Variants in EFNA5 observed in about 807,000 individuals in gnomAD.
EFNA5 encodes the protein ephrin-A5.
EFNA5 carries 5 observed loss-of-function variants against 22.9 expected under a neutral mutation model. That is an observed-to-expected ratio of 0.22 (90% CI 0.11 to 0.46). The LOEUF is 0.46. EFNA5 is among the 20% of genes least tolerant of loss of function. The pLI, the probability that EFNA5 is intolerant of heterozygous loss-of-function variation, is 0.99. For missense variants in EFNA5, 237 were observed against 293.3 expected (o/e 0.81, Z 1.40); for synonymous variants, 113 against 112.2 (o/e 1.01, Z -0.04).
chr5:107,441,457 G>C (rs1749255687), intron 1 of EFNA5, among the ~76,000 whole-genome samples: 1 of 152,192 alleles, frequency 6.6e-6, no homozygotes, highest in African/African-American at 2.4e-5. Context: ...TGTGTAGGCA[G>C]TGAAGCTGTG....
chr5:107,381,475 GTA>G, intron 4 of EFNA5, 99 bp from the exon 5 acceptor site: 1 of 1,343,896 alleles, frequency 7.4e-7, no homozygotes, highest in Non-Finnish European at 1.0e-6. Context: ...CCTCTGCAAA[GTA>G]GGGTAATGAA....
Position 107,670,867 on chromosome 5 carries a change from G to C in EFNA5, c.-254C>G. 2.1e-6 allele frequency: 1 copy of C among 480,512 alleles called. No homozygotes were observed. The highest frequency in any genetic ancestry group is 3.7e-6 in the Non-Finnish European group (1 of 272,040). 29.8% of individuals were successfully genotyped at this position (480,512 alleles called of 1,614,324 possible). Reference sequence around the variant, plus strand: ...GCACCCCCACTGGAGGGTTCAGGAGGAAAAAGGAATCACAAGATGGAGAGA... The same window carrying C: ...GCACCCCCACTGGAGGGTTCAGGAGCAAAAAGGAATCACAAGATGGAGAGA... On this transcript the variant is annotated 5_prime_UTR_variant, in exon 1 of 5. Coordinates refer to ENST00000333274, the MANE Select transcript of EFNA5 (RefSeq NM_001962.3).
chr5:107,622,871 A>C (rs1750062879), intron 1 of EFNA5, among the ~76,000 whole-genome samples: 1 of 150,338 alleles, frequency 6.7e-6, no homozygotes, highest in Non-Finnish European at 1.5e-5. Flanking sequence ...AATACAAAAA[A>C]TTAGCCGGGC....
At chr5:107,515,416 G>A (rs1186662894) in intron 1 of EFNA5, among the ~76,000 whole-genome samples, 1 of 148,608 alleles carries the variant, frequency 6.7e-6, no homozygotes, top group Non-Finnish European at 1.5e-5. Context: ...GTCTTGCTGT[G>A]TTGCCAGGCT....
At chr5:107,610,375 C>T (rs1749802942) in intron 1 of EFNA5, among the ~76,000 whole-genome samples, 2 of 152,218 alleles carry the variant, frequency 1.3e-5, no homozygotes, top group African/African-American at 4.8e-5. Flanking sequence ...TGAAGAAGTT[C>T]CACAGCCTGG....
chr5:107,670,414 C>A (rs1751167435), intron 1 of EFNA5, 75 bp downstream of exon 1: 5 of 1,473,800 alleles, frequency 3.4e-6, no homozygotes, highest in Non-Finnish European at 4.5e-6. Flanking sequence ...TGGTGCGCGC[C>A]GATCCCCGCC....
At chr5:107,426,898 AT>A (rs199549658) in intron 2 of EFNA5, 20 of 268,334 alleles carry the variant, frequency 7.5e-5, no homozygotes, top group Non-Finnish European at 9.2e-5. Flanking sequence ...ATTTCCTTTA[AT>A]TTTTTTTTCA....
intron 1 of EFNA5, among the ~76,000 whole-genome samples, chr5:107,647,169 G>A (rs550968293): frequency 1.3e-5 from 2 of 152,114 alleles, no homozygotes; most frequent in Non-Finnish European, 2.9e-5. Context: ...TAAGTAAAAT[G>A]ATTTATTTTG....
chr5:107,387,445 C>T (rs1580416495), intron 3 of EFNA5, 130 bp from the exon 4 acceptor site: 2 of 638,980 alleles, frequency 3.1e-6, no homozygotes, highest in East Asian at 5.6e-5. Context: ...ATGGCATGTT[C>T]CAAATGCCAA....
At chr5:107,439,550 G>A (rs1749202276) in intron 1 of EFNA5, among the ~76,000 whole-genome samples, 1 of 152,156 alleles carries the variant, frequency 6.6e-6, no homozygotes, top group Non-Finnish European at 1.5e-5. Flanking sequence ...GAGCAAGGGG[G>A]AAGGAAGATG....
At chr5:107,397,430 T>A (rs1300291689) in intron 2 of EFNA5, among the ~76,000 whole-genome samples, 1 of 151,916 alleles carries the variant, frequency 6.6e-6, no homozygotes, top group African/African-American at 2.4e-5. Context: ...GCGCCTGTAA[T>A]CCCAGCTACT....
chr5:107,653,240 A>G (rs960529390), intron 1 of EFNA5, among the ~76,000 whole-genome samples: 2 of 152,048 alleles, frequency 1.3e-5, no homozygotes, highest in Non-Finnish European at 2.9e-5. Context: ...CACCAAGACA[A>G]GCAGCTTTGT....
chr5:107,491,779 T>C (rs922593196), intron 1 of EFNA5, among the ~76,000 whole-genome samples: 2 of 152,214 alleles, frequency 1.3e-5, no homozygotes, highest in African/African-American at 2.4e-5. Context: ...TACCCTTTTA[T>C]AGCTTTTAAG....
At chr5:107,634,353 C>T (rs574150039) in intron 1 of EFNA5, among the ~76,000 whole-genome samples, 16 of 152,188 alleles carry the variant, frequency 1.1e-4, no homozygotes, top group Admixed American at 2.0e-4. Flanking sequence ...CTTGTCTCTA[C>T]AAAAGATTAG....
intron 1 of EFNA5, among the ~76,000 whole-genome samples, chr5:107,447,951 G>T (rs879735960): frequency 2.0e-5 from 3 of 151,924 alleles, no homozygotes; most frequent in Non-Finnish European, 2.9e-5. Flanking sequence ...GGGTTCAAGC[G>T]ATTCTCTGCC....
At chr5:107,493,165 T>C (rs1217581261) in intron 1 of EFNA5, among the ~76,000 whole-genome samples, 1 of 152,094 alleles carries the variant, frequency 6.6e-6, no homozygotes, top group East Asian at 1.9e-4. Context: ...TAATTACTTT[T>C]ATTTGTTCAC....
chr5:107,660,263 TATATATATATA>T (rs1750918965), intron 1 of EFNA5, among the ~76,000 whole-genome samples: 1 of 6,474 alleles, frequency 1.5e-4, no homozygotes, highest in Non-Finnish European at 2.5e-4. Context: ...GGCAAAAACA[TATATATATATA>T]TATATATATA....
At chr5:107,591,403 C>T (rs2112502810) in intron 1 of EFNA5, among the ~76,000 whole-genome samples, 1 of 152,272 alleles carries the variant, frequency 6.6e-6, no homozygotes, top group African/African-American at 2.4e-5. Flanking sequence ...CCACAGTCCC[C>T]ACCTCTCCCT....
chr5:107,592,076 A>AC (rs1749380652), intron 1 of EFNA5, among the ~76,000 whole-genome samples: 9 of 68,914 alleles, frequency 1.3e-4, no homozygotes, highest in Non-Finnish European at 2.2e-4. Flanking sequence ...TAATAATAAT[A>AC]AATTATTAAT....
Sources: allele counts gnomAD v4.1 joint callset (sites outside exome capture counted in the v4.1 genomes callset), GRCh38; gene constraint gnomAD v4.1.1; transcripts MANE v1.5; gene names NCBI Gene and HGNC (gene_info 2026-07-23, HGNC 2026-07-21).